ADRA1D: variants seen among roughly 807,000 people sequenced by gnomAD.
ADRA1D encodes the protein adrenoceptor alpha 1D, also known as alpha-1D adrenergic receptor.
In ADRA1D, 22 loss-of-function variants were observed where a neutral mutation model predicts 18.6. That is an observed-to-expected ratio of 1.19 (90% confidence interval 0.85 to 1.69). The LOEUF (loss-of-function observed/expected upper bound fraction) is 1.69. Among genes scored for constraint, ADRA1D ranks in the 40% most tolerant of loss-of-function variants. The pLI is 0.00. For synonymous variants in ADRA1D, 376 were observed against 388.2 expected (o/e 0.97, Z 0.37); for missense variants, 840 against 840.7 (o/e 1.00, Z 0.01).
chr20:4,226,873 C>T (rs531610407), intron 1 of ADRA1D, among the ~76,000 whole-genome samples: 189 of 152,322 alleles, frequency 1.2e-3, no homozygotes, highest in Non-Finnish European at 2.3e-3. Context: ...TCTCCTGTTC[C>T]GCTCACAGAT....
chr20:4,230,197 G>T (rs1980921627), intron 1 of ADRA1D, among the ~76,000 whole-genome samples: 1 of 152,132 alleles, frequency 6.6e-6, no homozygotes, highest in African/African-American at 2.4e-5. Flanking sequence ...ATGCCTCATG[G>T]TACTTGTCAC....
rs1444371741 is a variant in ADRA1D at position 4,247,900 on chromosome 20, A to G, written c.1058T>C (p.Val353Ala). The change falls in exon 1 of 2, where the codon GTC becomes GCC. Residue 353 changes from valine (V) to alanine (A), a missense_variant. Physicochemically the swap from Val to Ala is moderately conservative, Grantham distance 64 (BLOSUM62 0). Coordinates refer to ENST00000379453, the MANE Select transcript of ADRA1D (RefSeq NM_000678.4). Reference protein sequence around the residue: ...EKKAAKTLAIVVGVFVLCWFP... With the variant: ...EKKAAKTLAIAVGVFVLCWFP... ...CCAGCAGAGCACGAAGACACCCACG[A>G]CGATGGCCAGAGTCTTGGCCGCTTT... 1 of 1,596,410 alleles carries G rather than the reference A, an allele frequency of 6.3e-7. No individual in the cohort carries two copies. Among genetic ancestry groups the G allele is most frequent in the East Asian group, 2.3e-5 (1 of 44,298 alleles).
At chr20:4,236,538 G>C (rs1395009643) in intron 1 of ADRA1D, among the ~76,000 whole-genome samples, 2 of 152,164 alleles carry the variant, frequency 1.3e-5, no homozygotes, top group East Asian at 3.9e-4. Context: ...GGAAGTGGCA[G>C]GCTCGAGGGC....
At chr20:4,231,060 TTCTTTCTC>T (rs1447160254) in intron 1 of ADRA1D, among the ~76,000 whole-genome samples, 1,198 of 82,422 alleles carry the variant, frequency 0.015, 10 homozygotes, top group African/African-American at 0.046. Flanking sequence ...CTTTCTTTCT[TTCTTTCTC>T]TCTCTCTCTC....
intron 1 of ADRA1D, among the ~76,000 whole-genome samples, chr20:4,242,266 G>A (rs773891902): frequency 2.6e-5 from 4 of 152,106 alleles, no homozygotes; most frequent in Admixed American, 6.5e-5. Context: ...TCCTTGTACC[G>A]TGGTCCAGTC....
At chr20:4,228,490 T>C (rs1224227345) in intron 1 of ADRA1D, among the ~76,000 whole-genome samples, 2 of 151,960 alleles carry the variant, frequency 1.3e-5, no homozygotes, top group African/African-American at 4.8e-5. Context: ...ATACAAAGAG[T>C]CCAAGAATGT....
intron 1 of ADRA1D, among the ~76,000 whole-genome samples, chr20:4,245,880 C>T (rs978184082): frequency 3.3e-5 from 5 of 152,130 alleles, no homozygotes; most frequent in South Asian, 2.1e-4. Context: ...GCTTAGGGTC[C>T]GTTGCTTGCC....
intron 1 of ADRA1D, among the ~76,000 whole-genome samples, chr20:4,233,021 A>T (rs980888865): frequency 3.3e-5 from 5 of 152,034 alleles, no homozygotes; most frequent in African/African-American, 9.7e-5. Context: ...AAAATTCCTA[A>T]CTGGGCACAG....
chr20:4,236,953 G>T (rs1479389453), intron 1 of ADRA1D, among the ~76,000 whole-genome samples: 2 of 152,176 alleles, frequency 1.3e-5, no homozygotes, highest in African/African-American at 4.8e-5. Context: ...CTTCAGAACT[G>T]GGAGGTAATA....
At chr20:4,238,095 TA>T (rs1285947793) in intron 1 of ADRA1D, among the ~76,000 whole-genome samples, 1 of 149,410 alleles carries the variant, frequency 6.7e-6, no homozygotes, top group Non-Finnish European at 1.5e-5. Flanking sequence ...CTACTAAAAA[TA>T]AAAAAAATTA....
At chr20:4,229,854 C>T (rs1269690783) in intron 1 of ADRA1D, among the ~76,000 whole-genome samples, 7 of 152,014 alleles carry the variant, frequency 4.6e-5, no homozygotes, top group South Asian at 4.2e-4. Flanking sequence ...AGACTGGTCA[C>T]GTCACTCCTC....
chr20:4,238,381 G>A (rs1010098236), intron 1 of ADRA1D, among the ~76,000 whole-genome samples: 1 of 152,174 alleles, frequency 6.6e-6, no homozygotes, highest in East Asian at 1.9e-4. Context: ...AGTGCTAAGT[G>A]GGGGAAGGCT....
At chr20:4,227,374 C>T (rs1374688075) in intron 1 of ADRA1D, among the ~76,000 whole-genome samples, 1 of 152,166 alleles carries the variant, frequency 6.6e-6, no homozygotes, top group African/African-American at 2.4e-5. Flanking sequence ...TACTCTCCTC[C>T]CACCCGCAGC....
At position 4,222,273 on chromosome 20, in the gene ADRA1D, A is replaced by C; in HGVS notation, c.1112-143T>G. ...CAAGGGATCCGTGCTGTAAATCAGGAGGTCCATGAACTTGGATAGAGAAAA... is the reference window on the plus strand; with the variant it reads ...CAAGGGATCCGTGCTGTAAATCAGGCGGTCCATGAACTTGGATAGAGAAAA... On this transcript the variant is annotated intron_variant, in intron 1 of 1. Transcript: ENST00000379453. This position sits in a 1 kb window ranked among gnomAD's most constrained non-coding sequence, Gnocchi z 4.3. The C allele has an allele frequency of 8.5e-7, 1 of 1,181,506 alleles. No homozygotes were observed. The highest frequency in any genetic ancestry group is 1.1e-6 in the Non-Finnish European group (1 of 878,720). The allele number at this position is 1,181,506 out of a possible 1,614,324, so 73.2% of individuals were successfully genotyped here. A position where few individuals can be genotyped will look rare whatever the true frequency, so the allele number is the denominator to read the frequency against.
At chr20:4,243,710 C>A (rs1252926090) in intron 1 of ADRA1D, among the ~76,000 whole-genome samples, 1 of 152,168 alleles carries the variant, frequency 6.6e-6, no homozygotes, top group African/African-American at 2.4e-5. Flanking sequence ...GTTCTACACG[C>A]ACCTCCGCAC....
intron 1 of ADRA1D, among the ~76,000 whole-genome samples, chr20:4,238,494 G>A (rs1024445158): frequency 6.6e-6 from 1 of 152,108 alleles, no homozygotes; most frequent in African/African-American, 2.4e-5. Flanking sequence ...AGACAAAGAG[G>A]GTTGAGGAGT....
intron 1 of ADRA1D, among the ~76,000 whole-genome samples, chr20:4,224,601 A>G (rs1980747652): frequency 6.7e-6 from 1 of 148,812 alleles, no homozygotes; most frequent in Non-Finnish European, 1.5e-5. Flanking sequence ...CAAGCGGGCC[A>G]GGGGTGTTCC....
intron 1 of ADRA1D, among the ~76,000 whole-genome samples, chr20:4,229,932 A>G (rs958455368): frequency 6.6e-6 from 1 of 151,860 alleles, no homozygotes; most frequent in Non-Finnish European, 1.5e-5. Context: ...ACAGCTCAAC[A>G]TGTCCCCCCA....
chr20:4,231,275 T>TA (rs1352549148), intron 1 of ADRA1D, among the ~76,000 whole-genome samples: 1 of 145,628 alleles, frequency 6.9e-6, no homozygotes. Flanking sequence ...TTGTTATTAT[T>TA]ATTATTATTA....
Sources: allele counts gnomAD v4.1 joint callset (sites outside exome capture counted in the v4.1 genomes callset), GRCh38; gene constraint gnomAD v4.1.1; non-coding constraint Gnocchi (gnomAD v3.1); transcripts MANE v1.5; gene names NCBI Gene and HGNC (gene_info 2026-07-23, HGNC 2026-07-21).